WDR72: variants seen among roughly 807,000 people sequenced by gnomAD.
WDR72 encodes WD repeat-containing protein 72.
WDR72 carries 120 observed loss-of-function variants against 124.2 expected under a neutral mutation model. The observed-to-expected ratio is 0.97, with a 90% CI of 0.83 to 1.12. The LOEUF (loss-of-function observed/expected upper bound fraction) is 1.12, where lower values mean the gene tolerates loss of function less well. WDR72 is among the 50% of genes most tolerant of loss of function. WDR72 has a pLI of 0.00. For synonymous variants in WDR72, 452 were observed against 441.7 expected (o/e 1.02, Z -0.29); for missense variants, 1,387 against 1,278.8 (o/e 1.08, Z -1.29).
chr15:53,680,459 A>G (rs935864654), intron 13 of WDR72, among the ~76,000 whole-genome samples: 2 of 152,224 alleles, frequency 1.3e-5, no homozygotes, highest in Non-Finnish European at 2.9e-5. Context: ...CTATTTTTAA[A>G]TGACAGACCT....
At chr15:53,530,818 C>T (rs1275998585) in intron 18 of WDR72, among the ~76,000 whole-genome samples, 3 of 152,054 alleles carry the variant, frequency 2.0e-5, no homozygotes, top group South Asian at 2.1e-4. Flanking sequence ...AAAAAACATT[C>T]CCCTCTTGAA....
At chr15:53,586,421 A>G (rs2012217243) in intron 18 of WDR72, among the ~76,000 whole-genome samples, 1 of 152,046 alleles carries the variant, frequency 6.6e-6, no homozygotes, top group Non-Finnish European at 1.5e-5. Context: ...TCACCATCAT[A>G]AGTAGATTAC....
At chr15:53,649,492 G>C (rs778243793) in intron 14 of WDR72, among the ~76,000 whole-genome samples, 11 of 152,018 alleles carry the variant, frequency 7.2e-5, no homozygotes, top group African/African-American at 2.7e-4. Context: ...CCTATCTTAA[G>C]TCTGTATTGG....
chr15:53,584,953 C>T (rs899557308), intron 18 of WDR72, among the ~76,000 whole-genome samples: 1 of 151,928 alleles, frequency 6.6e-6, no homozygotes, highest in African/African-American at 2.4e-5. Flanking sequence ...GGAAGTAACA[C>T]CTGTGAAAGA....
At chr15:53,606,855 A>G (rs2013307081) in intron 17 of WDR72, among the ~76,000 whole-genome samples, 1 of 152,150 alleles carries the variant, frequency 6.6e-6, no homozygotes, top group Non-Finnish European at 1.5e-5. Flanking sequence ...ATGATGACAG[A>G]TGTGGTCAGG....
chr15:53,619,619 G>A (rs1259782695), intron 14 of WDR72, among the ~76,000 whole-genome samples: 1 of 151,894 alleles, frequency 6.6e-6, no homozygotes, highest in Non-Finnish European at 1.5e-5. Flanking sequence ...TCTCTTAGAG[G>A]ACAATGAGCT....
intron 13 of WDR72, among the ~76,000 whole-genome samples, chr15:53,687,482 G>A (rs1269321793): frequency 2.7e-4 from 40 of 148,956 alleles, no homozygotes; most frequent in East Asian, 1.0e-3. Flanking sequence ...TAAATTCCTT[G>A]ACACATACAC....
intron 18 of WDR72, among the ~76,000 whole-genome samples, chr15:53,595,543 C>T (rs940424056): frequency 2.6e-5 from 4 of 152,072 alleles, no homozygotes; most frequent in African/African-American, 9.7e-5. Context: ...GAAAATGGGG[C>T]TCTGGGCCAA....
At chr15:53,732,562 T>C (rs558910552) in intron 2 of WDR72, among the ~76,000 whole-genome samples, 178 of 152,254 alleles carry the variant, frequency 1.2e-3, no homozygotes, top group African/African-American at 4.1e-3. Flanking sequence ...ACTAAAAGAA[T>C]AGCAAGAAGG....
intron 18 of WDR72, among the ~76,000 whole-genome samples, chr15:53,527,907 T>G (rs1892216736): frequency 1.3e-5 from 2 of 152,110 alleles, no homozygotes; most frequent in South Asian, 4.1e-4. Context: ...AATGCCATCC[T>G]GCTTTATAAT....
At chr15:53,704,021 C>T (rs2017263606) in intron 11 of WDR72, among the ~76,000 whole-genome samples, 1 of 152,132 alleles carries the variant, frequency 6.6e-6, no homozygotes, top group African/African-American at 2.4e-5. Context: ...AGTACATTAC[C>T]TCTCTTTGGT....
intron 14 of WDR72, among the ~76,000 whole-genome samples, chr15:53,624,695 CTTCCATT>C (rs1399833979): frequency 6.6e-6 from 1 of 152,186 alleles, no homozygotes; most frequent in Non-Finnish European, 1.5e-5. Context: ...ACAGAGTTGG[CTTCCATT>C]TGAAAACAAG....
In WDR72 at chr15:53,616,230, T is replaced by C; in HGVS notation, c.1976A>G (p.Lys659Arg). 6.2e-7 allele frequency: 1 copy of C among 1,601,170 alleles called. No individual in the cohort carries two copies. Among genetic ancestry groups the C allele is most frequent in the Non-Finnish European group, 8.5e-7 (1 of 1,178,950 alleles). ...VESSCKVTDAKFCPRPFNVLP... is the reference protein window; with the variant it reads ...VESSCKVTDARFCPRPFNVLP... ...GACATTAAAAGGTCTTGGGCAAAAT[T>C]TGGCATCAGTAACCTAAGGGAACAA... The change falls in exon 15 of 20, where the codon AAA becomes AGA. Residue 659 changes from lysine (K) to arginine (R), a missense_variant. By Grantham distance (26) the Lys-to-Arg change is conservative. Coordinates refer to ENST00000360509, the MANE Select transcript of WDR72 (RefSeq NM_182758.4).
chr15:53,571,381 C>G (rs933752666), intron 18 of WDR72, among the ~76,000 whole-genome samples: 4 of 152,086 alleles, frequency 2.6e-5, no homozygotes, highest in Non-Finnish European at 4.4e-5. Flanking sequence ...TGCCCAACCC[C>G]TGCCTCCAGC....
chr15:53,728,483 G>A (rs1344128044), intron 2 of WDR72, among the ~76,000 whole-genome samples: 2 of 152,192 alleles, frequency 1.3e-5, no homozygotes, highest in African/African-American at 4.8e-5. Flanking sequence ...TTTCACAGGT[G>A]AGGAAATTGA....
intron 18 of WDR72, among the ~76,000 whole-genome samples, chr15:53,563,203 T>C (rs1008121547): frequency 6.6e-6 from 1 of 151,762 alleles, no homozygotes; most frequent in Non-Finnish European, 1.5e-5. Context: ...GAATAGTGTT[T>C]ACATGAATCA....
At chr15:53,703,403 G>A (rs920478381) in intron 11 of WDR72, among the ~76,000 whole-genome samples, 23 of 151,888 alleles carry the variant, frequency 1.5e-4, no homozygotes, top group African/African-American at 4.8e-4. Context: ...AAATGTTTAA[G>A]AGTACAGCAT....
chr15:53,648,576 AT>A (rs543756659), intron 14 of WDR72, among the ~76,000 whole-genome samples: 88 of 152,072 alleles, frequency 5.8e-4, no homozygotes, highest in African/African-American at 2.1e-3. Context: ...CAAAGGACAA[AT>A]TTTTTTTAAA....
chr15:53,521,642 C>T (rs1158325995), intron 19 of WDR72, among the ~76,000 whole-genome samples: 1 of 151,982 alleles, frequency 6.6e-6, no homozygotes, highest in Non-Finnish European at 1.5e-5. Flanking sequence ...TTGAATCTCG[C>T]TCCCATTCCA....
Sources: allele counts gnomAD v4.1 joint callset (sites outside exome capture counted in the v4.1 genomes callset), GRCh38; gene constraint gnomAD v4.1.1; transcripts MANE v1.5; gene names NCBI Gene and HGNC (gene_info 2026-07-23, HGNC 2026-07-21).